DDX20: variants seen among roughly 807,000 people sequenced by gnomAD.
DDX20 encodes DEAD-box helicase 20.
In DDX20, 61 loss-of-function variants were observed where a neutral mutation model predicts 76.4. The ratio of observed to expected loss-of-function variants is 0.80; its 90% CI spans 0.65 to 0.99. The LOEUF is 0.99. Ranked by LOEUF, DDX20 falls within the 50% of genes least tolerant of loss-of-function variation. The pLI is 0.00. For synonymous variants in DDX20, 357 were observed against 357.4 expected (o/e 1.00, Z 0.01); for missense variants, 976 against 996.8 (o/e 0.98, Z 0.28).
At position 111,756,120 on chromosome 1, in the gene DDX20, T is replaced by C; in HGVS notation, c.196T>C (p.Ser66Pro). 6.3e-7 allele frequency: 1 copy of C among 1,593,790 alleles called. No homozygotes were observed. Reference sequence around the variant, plus strand: ...GTTGGCGGAGCCGGCCGACTTCGAGTCACTGCTGCTTTCGCGGCCGGTGCT... The same window carrying C: ...GTTGGCGGAGCCGGCCGACTTCGAGCCACTGCTGCTTTCGCGGCCGGTGCT... ...VLLAEPADFESLLLSRPVLEG... is the reference protein window; with the variant it reads ...VLLAEPADFEPLLLSRPVLEG... Residue 66 changes from serine (S) to proline (P), a missense_variant, in exon 1 of 11, where the codon TCA (serine) becomes CCA (proline). This residue lies in a region of DDX20 where 343 missense variants were observed against 286.4 expected (regional missense o/e 1.20). Transcript: ENST00000369702.
chr1:111,762,538 A>G, intron 8 of DDX20, 139 bp from the exon 9 acceptor site: 1 of 863,382 alleles, frequency 1.2e-6, no homozygotes, highest in Non-Finnish European at 1.8e-6. Flanking sequence ...AGTCATTAGG[A>G]ATGAATTTCC....
intron 2 of DDX20, among the ~76,000 whole-genome samples, chr1:111,758,284 A>C (rs1157445132): frequency 6.6e-6 from 1 of 152,190 alleles, no homozygotes; most frequent in Non-Finnish European, 1.5e-5. Context: ...CGTACCAGAA[A>C]ACAAAATCTG....
Position 111,767,140 on chromosome 1 carries a change from G to T in DDX20, c.*241G>T. 3.0e-6 allele frequency: 1 copy of T among 330,888 alleles called. No individual in the cohort carries two copies. The highest frequency in any genetic ancestry group is 4.8e-5 in the East Asian group (1 of 20,762). The allele number at this position is 330,888 out of a possible 1,614,324, so 20.5% of individuals were successfully genotyped here. A position where few individuals can be genotyped will look rare whatever the true frequency, so the allele number is the denominator to read the frequency against. On this transcript the variant is annotated 3_prime_UTR_variant, in exon 11 of 11. Transcript: ENST00000369702. ...TCAGATTGTTGAAAGATAATTTTTGGGACATAGAGCTGAAAGTTTCAGGGT... is the reference window on the plus strand; with the variant it reads ...TCAGATTGTTGAAAGATAATTTTTGTGACATAGAGCTGAAAGTTTCAGGGT...
chr1:111,765,554 C>T (rs1663761670), intron 10 of DDX20, among the ~76,000 whole-genome samples, 183 bp from the exon 11 acceptor site: 1 of 152,022 alleles, frequency 6.6e-6, no homozygotes, highest in Non-Finnish European at 1.5e-5. Context: ...ATTTCTTAGG[C>T]AGGTTTCTTT....
chr1:111,756,852 T>G (rs1663569265), intron 2 of DDX20, 112 bp downstream of exon 2: 2 of 923,962 alleles, frequency 2.2e-6, no homozygotes, highest in South Asian at 1.4e-5. Context: ...AATGATTGAG[T>G]TAAGTGGTGG....
rs772083738 is a variant in DDX20 at position 111,756,068 on chromosome 1, CCCG to C, written c.146_148del (p.Pro49del). 2 of 1,607,232 alleles carry C rather than the reference CCCG, an allele frequency of 1.2e-6. No individual in the cohort carries two copies. The highest frequency in any genetic ancestry group is 1.7e-6 in the Non-Finnish European group (2 of 1,179,296). On this transcript the variant is annotated inframe_deletion, in exon 1 of 11. Coordinates refer to ENST00000369702, the MANE Select transcript of DDX20 (RefSeq NM_007204.5). ...TGCGGACCGCTCAGGATCTCAGCAG[CCCG>C]CGGACCCGCACGGGGGATGTGCTGT... is the stretch of plus-strand genomic sequence containing the variant.
intron 10 of DDX20, 53 bp from the exon 11 acceptor site, chr1:111,765,682 CAG>C (rs1663763544): frequency 1.4e-6 from 2 of 1,391,716 alleles, no homozygotes; most frequent in East Asian, 2.4e-5. Flanking sequence ...ATTCAGAAAA[CAG>C]TGGTCTAGAG....
At position 111,762,725 on chromosome 1, in the gene DDX20, G is replaced by A. The variant is rs1026970002; in HGVS notation, c.1153G>A (p.Asp385Asn). ...GAAGGTGAATCTGGTTGTAAATCTG[G>A]ATGTACCATTGGATTGGGAGACATA... ...AEKVNLVVNLDVPLDWETYMH... is the reference protein window; with the variant it reads ...AEKVNLVVNLNVPLDWETYMH... Residue 385 changes from aspartate (D) to asparagine (N), a missense_variant, in exon 9 of 11, where the codon GAT becomes AAT. Around this residue, in one of 3 missense-constraint regions of DDX20, gnomAD observed 630 missense variants for 693.7 expected, o/e 0.91. Coordinates refer to ENST00000369702, the MANE Select transcript of DDX20 (RefSeq NM_007204.5). The A allele has an allele frequency of 6.2e-7, 1 of 1,613,714 alleles. No individual in the cohort carries two copies. The highest frequency in any genetic ancestry group is 1.1e-5 in the South Asian group (1 of 91,072).
intron 2 of DDX20, among the ~76,000 whole-genome samples, chr1:111,758,870 A>G (rs903500917): frequency 6.6e-6 from 1 of 152,200 alleles, no homozygotes; most frequent in African/African-American, 2.4e-5. Flanking sequence ...TTCCCCGGCA[A>G]CTAGTATGTT....
rs1339815636 is a variant in DDX20, at chr1:111,756,034, T to A, written c.110T>A (p.Val37Glu). 3 of 1,609,954 alleles carry A rather than the reference T, an allele frequency of 1.9e-6. No individual in the cohort carries two copies. The highest frequency in any genetic ancestry group is 2.5e-6 in the Non-Finnish European group (3 of 1,178,876). The part of the protein sequence containing the change: ...VPAPEPTPGP[V>E]RILRTAQDLS... ...GCCCCAGAGCCAACACCCGGGCCTG[T>A]GAGGATCCTGCGGACCGCTCAGGAT... Residue 37 changes from valine (V) to glutamate (E), a missense_variant, in exon 1 of 11, where the codon GTG becomes GAG. Coordinates refer to ENST00000369702, the MANE Select transcript of DDX20 (RefSeq NM_007204.5).
chr1:111,759,614 C>T (rs1246499359), intron 3 of DDX20, 46 bp downstream of exon 3: 2 of 1,509,854 alleles, frequency 1.3e-6, no homozygotes, highest in Admixed American at 3.8e-5. Context: ...TAAGGAACTA[C>T]ACACTTTTAA....
chr1:111,762,784 T>C lies in DDX20; in HGVS notation c.1210+2T>C. ...GGATTGGGAGAGCTGGCCGTTTTGG[T>C]AAAAAAAAAAAAAAAAGTTTGAGTG... On this transcript the variant is annotated splice_donor_variant, in intron 9 of 10. Transcript: ENST00000369702. LOFTEE classifies it high-confidence loss of function. 1 of 1,524,640 alleles carries C rather than the reference T, an allele frequency of 6.6e-7. No individual in the cohort carries two copies. Among genetic ancestry groups the C allele is most frequent in the East Asian group, 2.3e-5 (1 of 43,936 alleles). 94.4% of individuals were successfully genotyped at this position (1,524,640 alleles called of 1,614,324 possible).
chr1:111,759,040 A>G (rs1663619345), intron 2 of DDX20, among the ~76,000 whole-genome samples: 1 of 152,250 alleles, frequency 6.6e-6, no homozygotes, highest in Non-Finnish European at 1.5e-5. Flanking sequence ...AAAAAATAAT[A>G]CAACAATCAA....
chr1:111,756,259 G>C (rs896917441), intron 1 of DDX20, 34 bp downstream of exon 1: 246 of 1,328,982 alleles, frequency 1.9e-4, no homozygotes, highest in Non-Finnish European at 2.3e-4. Context: ...GTCGGGGGGT[G>C]GGGTGGGAGA....
At chr1:111,758,473 T>C (rs1202954459) in intron 2 of DDX20, among the ~76,000 whole-genome samples, 1 of 152,074 alleles carries the variant, frequency 6.6e-6, no homozygotes, top group Non-Finnish European at 1.5e-5. Context: ...TCAAGGTCTT[T>C]TGTGATCTAG....
At position 111,767,896 on chromosome 1, in the gene DDX20, A is replaced by T. The variant is rs1005812339; in HGVS notation, c.*997A>T. The T allele has an allele frequency of 6.6e-6, 1 of 152,130 alleles. No individual in the cohort carries two copies. The highest frequency in any genetic ancestry group is 1.5e-5 in the Non-Finnish European group (1 of 68,004). 9.4% of individuals were successfully genotyped at this position (152,130 alleles called of 1,614,324 possible). On this transcript the variant is annotated 3_prime_UTR_variant, in exon 11 of 11. Coordinates refer to ENST00000369702, the MANE Select transcript of DDX20 (RefSeq NM_007204.5). ...CATCCTAATTTTGTGTCTTCTAGAA[A>T]ATTTTCCCCAGTTTTTACCTCTAAT...
In DDX20 at chr1:111,761,210, A is replaced by G. The variant is rs1254675802; in HGVS notation, c.963-16A>G. 6 of 1,612,762 alleles carry G rather than the reference A, an allele frequency of 3.7e-6. No homozygotes were observed. The highest frequency in any genetic ancestry group is 5.1e-6 in the Non-Finnish European group (6 of 1,179,370). On this transcript the variant is annotated splice_polypyrimidine_tract_variant and intron_variant, in intron 6 of 10. Transcript: ENST00000369702. ...AATATTTGTAAATTTGTAACCATTTATGTTATATTTCATAGAGCACAACAT... is the reference window on the plus strand; with the variant it reads ...AATATTTGTAAATTTGTAACCATTTGTGTTATATTTCATAGAGCACAACAT...
At chr1:111,760,914 C>G in intron 5 of DDX20, 66 bp downstream of exon 5, 1 of 1,595,438 alleles carries the variant, frequency 6.3e-7, no homozygotes, top group Admixed American at 1.8e-5. Context: ...TTTCCCTTGC[C>G]TAGTTTTGTC....
In DDX20 at chr1:111,765,835, C is replaced by T; in HGVS notation, c.1411C>T (p.Pro471Ser). ...TGGTATAGCAAGTGTACCTAACCAA[C>T]CCTTAAAAAAGCAAATTCAGAAAAT... Reference protein sequence around the residue: ...TYGIASVPNQPLKKQIQKIER... With the variant: ...TYGIASVPNQSLKKQIQKIER... The change falls in exon 11 of 11, where the codon CCC (proline) becomes TCC (serine). Residue 471 changes from proline to serine, a missense_variant. By Grantham distance (74) the Pro-to-Ser change is moderately conservative. Around this residue, in one of 3 missense-constraint regions of DDX20, gnomAD observed 630 missense variants for 693.7 expected, o/e 0.91. Transcript: ENST00000369702. 6.2e-7 allele frequency: 1 copy of T among 1,614,082 alleles called. No homozygotes were observed.
Sources: allele counts gnomAD v4.1 joint callset (sites outside exome capture counted in the v4.1 genomes callset), GRCh38; gene constraint gnomAD v4.1.1; regional missense constraint gnomAD v4.1.1; transcripts MANE v1.5; gene names NCBI Gene and HGNC (gene_info 2026-07-23, HGNC 2026-07-21).